The following POLK variants were observed in gnomAD, a reference collection of about 807,000 sequenced individuals.
POLK encodes the protein polymerase (DNA directed) kappa.
POLK carries 76 observed loss-of-function variants against 94.0 expected under a neutral mutation model. That is an observed-to-expected ratio of 0.81 (90% confidence interval 0.67 to 0.98). POLK has a LOEUF of 0.98. POLK is among the 50% of genes least tolerant of loss of function. POLK has a pLI of 0.00. For missense variants in POLK, 954 were observed against 1,010.1 expected, an observed-to-expected ratio of 0.94 and a Z score of 0.75; for synonymous variants, 349 against 325.4, an observed-to-expected ratio of 1.07 and a Z score of -0.78.
At chr5:75,549,056 C>G (rs1232759858) in intron 2 of POLK, among the ~76,000 whole-genome samples, 1 of 152,004 alleles carries the variant, frequency 6.6e-6, no homozygotes, top group Non-Finnish European at 1.5e-5. Context: ...GAAGCATATA[C>G]AGTAAAATGT....
chr5:75,524,966 T>G (rs937290909), intron 1 of POLK, among the ~76,000 whole-genome samples: 1 of 152,258 alleles, frequency 6.6e-6, no homozygotes, highest in Non-Finnish European at 1.5e-5. Context: ...GAGAGCAATC[T>G]GAACTGAGAT....
At chr5:75,523,714 T>C (rs1237195598) in intron 1 of POLK, among the ~76,000 whole-genome samples, 2 of 152,214 alleles carry the variant, frequency 1.3e-5, no homozygotes, top group East Asian at 3.8e-4. Flanking sequence ...TTGGGTTTTT[T>C]TGTTGGTTTG....
intron 1 of POLK, among the ~76,000 whole-genome samples, chr5:75,536,536 G>A (rs777611081): frequency 6.6e-6 from 1 of 152,108 alleles, no homozygotes; most frequent in Non-Finnish European, 1.5e-5. Flanking sequence ...GCAAATTCAG[G>A]CAGAAGCAGG....
intron 1 of POLK, among the ~76,000 whole-genome samples, chr5:75,542,810 T>G (rs1275063269): frequency 1.3e-5 from 2 of 150,358 alleles, no homozygotes; most frequent in East Asian, 3.9e-4. Context: ...CCTCCCAGTT[T>G]CAAGCAATTC....
chr5:75,523,148 A>G lies in POLK; in HGVS notation c.-14+11234A>G, dbSNP rs565107241. Among the ~76,000 whole-genome samples the G allele has an allele frequency of 7.4e-4, 113 of 152,320 alleles. 1 individual carries two copies. The highest frequency in any genetic ancestry group is 2.6e-3 in the African/African-American group (109 of 41,576). ...CTTAAAGGTCAAAGCACATCATAAT[A>G]TACTGCTAGTTGATTTATCTTTGTC... On this transcript the variant is annotated intron_variant, in intron 1 of 14. Coordinates refer to ENST00000241436, the Ensembl canonical transcript of POLK.
At chr5:75,520,617 T>G (rs1182956525) in intron 1 of POLK, among the ~76,000 whole-genome samples, 5 of 152,196 alleles carry the variant, frequency 3.3e-5, no homozygotes, top group African/African-American at 1.2e-4. Context: ...CAGGATAGTC[T>G]TAAACTCCTG....
chr5:75,548,771 A>G (rs760100891), intron 2 of POLK, among the ~76,000 whole-genome samples: 4 of 152,018 alleles, frequency 2.6e-5, no homozygotes, highest in Non-Finnish European at 5.9e-5. Flanking sequence ...CCCAACATAT[A>G]TACATAGAAG....
chr5:75,604,831 A>G (rs541945634), downstream of POLK, among the ~76,000 whole-genome samples: 2 of 152,336 alleles, frequency 1.3e-5, no homozygotes, highest in South Asian at 2.1e-4. Flanking sequence ...ATAATTAAGG[A>G]CTAATCGCTT....
chr5:75,518,190 G>T (rs938742390), intron 1 of POLK, among the ~76,000 whole-genome samples: 16 of 152,120 alleles, frequency 1.1e-4, no homozygotes, highest in African/African-American at 3.9e-4. Flanking sequence ...GTTTTGTTTT[G>T]GAAGAGTTTG....
At chr5:75,567,524 C>G (rs1202232462) in intron 3 of POLK, among the ~76,000 whole-genome samples, 1 of 152,122 alleles carries the variant, frequency 6.6e-6, no homozygotes, top group Non-Finnish European at 1.5e-5. Context: ...TACTAGTACT[C>G]CTTTCACTTT....
At chr5:75,600,860 A>G (rs910229159) in exon 15 of POLK, 5 of 152,196 alleles carry the variant, frequency 3.3e-5, no homozygotes, top group Non-Finnish European at 7.3e-5. Flanking sequence ...CTGAACAACT[A>G]TATTGTTTTA....
intron 3 of POLK, among the ~76,000 whole-genome samples, chr5:75,564,283 A>G (rs1384528148): frequency 6.8e-6 from 1 of 147,774 alleles, no homozygotes; most frequent in East Asian, 2.0e-4. Context: ...TTGTTTGGTA[A>G]ATCTTCCTCC....
At chr5:75,533,946 AAGCTTTGCTG>A (rs1769314128) in intron 1 of POLK, among the ~76,000 whole-genome samples, 1 of 152,078 alleles carries the variant, frequency 6.6e-6, no homozygotes, top group Non-Finnish European at 1.5e-5. Context: ...TTGTATCCTG[AAGCTTTGCTG>A]AGGTTTATCA....
the POLK span, chr5:75,609,440 A>T: frequency 6.6e-6 from 1 of 152,036 alleles, no homozygotes; most frequent in Admixed American, 6.6e-5. Context: ...ATTTTTGTAG[A>T]GAGGGGGTCT....
chr5:75,603,427 CA>C (rs11350660), downstream of POLK, among the ~76,000 whole-genome samples: 73,404 of 133,742 alleles, frequency 0.55, 20,532 homozygotes, highest in African/African-American at 0.81. Flanking sequence ...ACTCTCATGT[CA>C]AAAAAAAAAA....
chr5:75,523,628 A>G (rs1768690895), intron 1 of POLK, among the ~76,000 whole-genome samples: 1 of 152,242 alleles, frequency 6.6e-6, no homozygotes, highest in Non-Finnish European at 1.5e-5. Context: ...TTAAACAGGT[A>G]CATGATTCAA....
At chr5:75,523,529 G>C (rs1463481715) in intron 1 of POLK, among the ~76,000 whole-genome samples, 1 of 152,178 alleles carries the variant, frequency 6.6e-6, no homozygotes, top group African/African-American at 2.4e-5. Flanking sequence ...AGATACAAAG[G>C]CTTTCTGCAA....
At chr5:75,606,773 C>T in the POLK span, among the ~76,000 whole-genome samples, 3 of 152,094 alleles carry the variant, frequency 2.0e-5, no homozygotes, top group Admixed American at 2.0e-4. Context: ...ACAATCTGAT[C>T]TCTCTTGCTT....
At chr5:75,586,947 T>C in intron 9 of POLK, 79 bp from the exon 10 acceptor site, 1 of 953,134 alleles carries the variant, frequency 1.0e-6, no homozygotes, top group Non-Finnish European at 1.6e-6. Context: ...TAAAAGGTAA[T>C]TGATAATGTT....
Sources: allele counts gnomAD v4.1 joint callset (sites outside exome capture counted in the v4.1 genomes callset), GRCh38; gene constraint gnomAD v4.1.1; transcripts MANE v1.5; gene names NCBI Gene and HGNC (gene_info 2026-07-23, HGNC 2026-07-21).